The following SGCZ variants were observed in gnomAD, a reference collection of about 807,000 sequenced individuals.
SGCZ encodes the protein sarcoglycan zeta.
A neutral mutation model predicts 41.3 loss-of-function variants in SGCZ; 40 were observed. That is an observed-to-expected ratio of 0.97 (90% CI 0.75 to 1.26). SGCZ has a LOEUF of 1.26. Among genes scored for constraint, SGCZ ranks in the 50% most tolerant of loss-of-function variants. SGCZ has a pLI of 0.00. For synonymous variants in SGCZ, 206 were observed against 137.5 expected, an observed-to-expected ratio of 1.50 and a Z score of -3.49; for missense variants, 552 against 369.8, an observed-to-expected ratio of 1.49 and a Z score of -4.04.
intron 1 of SGCZ, among the ~76,000 whole-genome samples, chr8:14,818,775 G>A (rs1039262218): frequency 6.6e-6 from 1 of 151,834 alleles, no homozygotes; most frequent in Non-Finnish European, 1.5e-5. Context: ...TTCTATGAAG[G>A]AAATAAAAAA....
At position 14,680,963 on chromosome 8, in the gene SGCZ, G is replaced by GAAAAAAAAAAAA. The variant is rs374278969; in HGVS notation, c.40-126038_40-126037insTTTTTTTTTTTT. Among the ~76,000 whole-genome samples, 11 of 106,176 alleles carry GAAAAAAAAAAAA rather than the reference G, an allele frequency of 1.0e-4. 1 individual carries two copies. The highest frequency in any genetic ancestry group is 5.1e-4 in the East Asian group (2 of 3,950). 69.7% of individuals were successfully genotyped at this position (106,176 alleles called of 152,430 possible). A position where few individuals can be genotyped will look rare whatever the true frequency, so the allele number is the denominator to read the frequency against. On this transcript the variant is annotated intron_variant, in intron 1 of 7. Coordinates refer to ENST00000382080, the MANE Select transcript of SGCZ (RefSeq NM_139167.4). ...TGAAACATACAGAGGAAAAAGAGTG[G>GAAAAAAAAAAAA]GAAAAAAAAAAAAAAAAACAGAAAA... is the stretch of plus-strand genomic sequence containing the variant.
At chr8:14,872,439 T>C (rs1310953190) in intron 1 of SGCZ, among the ~76,000 whole-genome samples, 3 of 152,172 alleles carry the variant, frequency 2.0e-5, no homozygotes, top group Non-Finnish European at 4.4e-5. Context: ...ACTATTAATA[T>C]CTAAAGTGTT....
intron 5 of SGCZ, among the ~76,000 whole-genome samples, chr8:14,154,283 G>A (rs923227754): frequency 1.8e-4 from 27 of 152,042 alleles, no homozygotes; most frequent in African/African-American, 5.6e-4. Context: ...GCAGGAGAAT[G>A]GCATGAACCC....
chr8:14,691,606 A>G (rs906844868), intron 1 of SGCZ, among the ~76,000 whole-genome samples: 1 of 152,064 alleles, frequency 6.6e-6, no homozygotes, highest in African/African-American at 2.4e-5. Flanking sequence ...ACTGATATGA[A>G]TAATGTCACC....
At chr8:14,862,806 C>T (rs1803801306) in intron 1 of SGCZ, among the ~76,000 whole-genome samples, 1 of 151,714 alleles carries the variant, frequency 6.6e-6, no homozygotes, top group Non-Finnish European at 1.5e-5. Flanking sequence ...AACCTGCTTT[C>T]CCCTCTAGAC....
At chr8:14,325,170 G>T (rs117830909) in intron 2 of SGCZ, among the ~76,000 whole-genome samples, 1 of 152,078 alleles carries the variant, frequency 6.6e-6, no homozygotes, top group African/African-American at 2.4e-5. Flanking sequence ...GCTTCAAGAA[G>T]ATTAATCTGG....
chr8:14,734,061 G>A (rs1798952691), intron 1 of SGCZ, among the ~76,000 whole-genome samples: 1 of 152,128 alleles, frequency 6.6e-6, no homozygotes, highest in Admixed American at 6.6e-5. Flanking sequence ...CCTTGAAAAT[G>A]TTTTGACACA....
chr8:14,835,474 G>T (rs1802665382), intron 1 of SGCZ, among the ~76,000 whole-genome samples: 1 of 152,032 alleles, frequency 6.6e-6, no homozygotes. Context: ...CTGTGTTTTG[G>T]AATTGAAGAC....
chr8:14,370,812 A>C (rs1244908242), intron 2 of SGCZ, among the ~76,000 whole-genome samples: 1 of 151,940 alleles, frequency 6.6e-6, no homozygotes. Context: ...TCATTAATAA[A>C]ACTCATAGTT....
intron 2 of SGCZ, among the ~76,000 whole-genome samples, chr8:14,552,656 C>A (rs1014356210): frequency 1.3e-5 from 2 of 152,146 alleles, no homozygotes; most frequent in Middle Eastern, 3.4e-3. Flanking sequence ...CCATGGGTGA[C>A]AGGAACCCTG....
chr8:14,619,049 T>C (rs1376153626), intron 1 of SGCZ, among the ~76,000 whole-genome samples: 4 of 152,172 alleles, frequency 2.6e-5, no homozygotes, highest in African/African-American at 9.7e-5. Context: ...ATACTCTATA[T>C]ATTAGTCCAT....
chr8:14,901,549 C>A (rs886741251), intron 1 of SGCZ, among the ~76,000 whole-genome samples: 8 of 151,888 alleles, frequency 5.3e-5, no homozygotes, highest in African/African-American at 1.9e-4. Flanking sequence ...TTAAAGGATG[C>A]TGTATCTGTA....
At chr8:14,665,675 C>A (rs17319033) in intron 1 of SGCZ, among the ~76,000 whole-genome samples, 2 of 152,088 alleles carry the variant, frequency 1.3e-5, no homozygotes, top group Non-Finnish European at 2.9e-5. Context: ...CATCTTGGAG[C>A]TTTTCATACC....
intron 2 of SGCZ, among the ~76,000 whole-genome samples, chr8:14,435,354 T>C (rs1213675892): frequency 6.6e-6 from 1 of 152,188 alleles, no homozygotes; most frequent in African/African-American, 2.4e-5. Flanking sequence ...CTTAGCAGAA[T>C]CTATTGTTCC....
At chr8:14,276,766 A>C (rs542272162) in intron 3 of SGCZ, among the ~76,000 whole-genome samples, 9 of 152,328 alleles carry the variant, frequency 5.9e-5, no homozygotes, top group Admixed American at 1.3e-4. Context: ...TAACTGGGGC[A>C]GGAAAATAGG....
At chr8:14,150,017 A>G (rs1803650196) in intron 5 of SGCZ, among the ~76,000 whole-genome samples, 1 of 152,170 alleles carries the variant, frequency 6.6e-6, no homozygotes, top group African/African-American at 2.4e-5. Context: ...CATATACAAT[A>G]AACAAATCAA....
chr8:14,645,812 CAG>C (rs1807195104), intron 1 of SGCZ, among the ~76,000 whole-genome samples: 1 of 151,636 alleles, frequency 6.6e-6, no homozygotes, highest in Non-Finnish European at 1.5e-5. Flanking sequence ...TAAGCAAATG[CAG>C]ACATTCACAG....
intron 2 of SGCZ, among the ~76,000 whole-genome samples, chr8:14,379,091 T>G (rs186249138): frequency 6.6e-6 from 1 of 152,320 alleles, no homozygotes; most frequent in Non-Finnish European, 1.5e-5. Flanking sequence ...ACACTATTTT[T>G]ACTACCACTG....
At chr8:14,621,452 A>C (rs1463602381) in intron 1 of SGCZ, among the ~76,000 whole-genome samples, 1 of 152,020 alleles carries the variant, frequency 6.6e-6, no homozygotes, top group African/African-American at 2.4e-5. Flanking sequence ...AATAAATAAA[A>C]AATAAAGATT....
Sources: allele counts gnomAD v4.1 joint callset (sites outside exome capture counted in the v4.1 genomes callset), GRCh38; gene constraint gnomAD v4.1.1; transcripts MANE v1.5; gene names NCBI Gene and HGNC (gene_info 2026-07-23, HGNC 2026-07-21).